The following PDE2A variants were observed in gnomAD, a reference collection of about 807,000 sequenced individuals.
PDE2A encodes cGMP-dependent 3',5'-cyclic phosphodiesterase.
Under a neutral mutation model 133.6 loss-of-function variants are expected in PDE2A, and 53 were observed. That is an observed-to-expected ratio of 0.40 (90% CI 0.32 to 0.50). The LOEUF is 0.50. PDE2A is among the 20% of genes least tolerant of loss of function. The probability of loss-of-function intolerance (pLI) is 0.73; values close to 1 mark genes in which losing one functional copy is unlikely to be tolerated. For missense variants in PDE2A, 796 were observed against 1,232.4 expected, an observed-to-expected ratio of 0.65 and a Z score of 5.30; for synonymous variants, 491 against 490.2, an observed-to-expected ratio of 1.00 and a Z score of -0.02.
intron 2 of PDE2A, among the ~76,000 whole-genome samples, chr11:72,619,030 C>T (rs1857616755): frequency 6.6e-6 from 1 of 151,852 alleles, no homozygotes; most frequent in Non-Finnish European, 1.5e-5. Flanking sequence ...TGGGAGCCAG[C>T]ATGAGCATGC....
chr11:72,582,542 G>A lies in PDE2A; in HGVS notation c.1753C>T (p.Leu585Phe), dbSNP rs748817156. 6.2e-7 allele frequency: 1 copy of A among 1,613,654 alleles called. No individual in the cohort carries two copies. The highest frequency in any genetic ancestry group is 8.5e-7 in the Non-Finnish European group (1 of 1,179,622). The change falls in exon 21 of 31, where the codon CTT becomes TTT. Residue 585 changes from leucine to phenylalanine, a missense_variant. Leu to Phe is a conservative substitution (Grantham distance 22). Around this residue, in one of 7 missense-constraint regions of PDE2A, gnomAD observed 218 missense variants for 465.9 expected, o/e 0.47. Coordinates refer to ENST00000334456, the MANE Select transcript of PDE2A (RefSeq NM_002599.5). ...ACAGGCTGGATCCCATCATGGAGAA[G>A]TTTGGTATACTCATCATCGGAGACC... ...MKVSDDEYTKLLHDGIQPVAA... is the reference protein window; with the variant it reads ...MKVSDDEYTKFLHDGIQPVAA...
rs764501899 is a variant in PDE2A at position 72,651,823 on chromosome 11, C to T, written c.72-9497G>A. 8.5e-5 allele frequency among the ~76,000 whole-genome samples: 13 copies of T among 152,198 alleles called. 1 individual carries two copies. The highest frequency in any genetic ancestry group is 1.9e-4 in the Non-Finnish European group (13 of 68,044). On this transcript the variant is annotated intron_variant, in intron 1 of 30. Coordinates refer to ENST00000334456, the MANE Select transcript of PDE2A (RefSeq NM_002599.5). Reference sequence around the variant, plus strand: ...ACATGAAACTCTGTCCTCAGGCCCCCGCCCAAGTCTATCTCATCTCCTTTC... The same window carrying T: ...ACATGAAACTCTGTCCTCAGGCCCCTGCCCAAGTCTATCTCATCTCCTTTC...
intron 21 of PDE2A, 100 bp downstream of exon 21, chr11:72,582,344 G>A (rs1855761037): frequency 1.6e-6 from 2 of 1,228,254 alleles, no homozygotes; most frequent in Non-Finnish European, 1.2e-6. Context: ...AGCCTTCCTT[G>A]ATGACTCTGT....
chr11:72,643,379 G>A (rs1352906975), intron 1 of PDE2A: 1 of 152,392 alleles, frequency 6.6e-6, no homozygotes, highest in Non-Finnish European at 1.5e-5. Flanking sequence ...ACTGGAGGGT[G>A]CGCTTGGGTC....
intron 2 of PDE2A, among the ~76,000 whole-genome samples, chr11:72,619,949 C>T (rs945848800): frequency 6.6e-6 from 1 of 152,078 alleles, no homozygotes; most frequent in Non-Finnish European, 1.5e-5. Flanking sequence ...AAGCTGACTC[C>T]CAGCAGGGGG....
At chr11:72,667,292 T>G (rs1855264268) in intron 1 of PDE2A, among the ~76,000 whole-genome samples, 1 of 152,136 alleles carries the variant, frequency 6.6e-6, no homozygotes, top group Non-Finnish European at 1.5e-5. Flanking sequence ...CACCTCAGTA[T>G]CAAGCAAGTC....
At chr11:72,673,259 C>G (rs764012914) in intron 1 of PDE2A, among the ~76,000 whole-genome samples, 2 of 152,142 alleles carry the variant, frequency 1.3e-5, no homozygotes, top group Non-Finnish European at 2.9e-5. Context: ...TGCACTCACA[C>G]TCAGACACAT....
At chr11:72,641,857 G>C (rs1858966300) in intron 2 of PDE2A, among the ~76,000 whole-genome samples, 1 of 152,214 alleles carries the variant, frequency 6.6e-6, no homozygotes, top group Non-Finnish European at 1.5e-5. Flanking sequence ...TGGAGTCCTG[G>C]ATGACAGCTG....
intron 2 of PDE2A, among the ~76,000 whole-genome samples, chr11:72,624,369 G>A (rs1857938993): frequency 6.6e-6 from 1 of 152,210 alleles, no homozygotes; most frequent in Non-Finnish European, 1.5e-5. Context: ...GTCCTACACA[G>A]CACTGTATGT....
chr11:72,578,356 G>T lies in PDE2A; in HGVS notation c.2509-17C>A, dbSNP rs775009475. 1.9e-6 allele frequency: 3 copies of T among 1,590,654 alleles called. No individual in the cohort carries two copies. Among genetic ancestry groups the T allele is most frequent in the Non-Finnish European group, 2.6e-6 (3 of 1,158,902 alleles). Reference sequence around the variant, plus strand: ...GGCCTTCTCCTGCAGGCATCGAGTCGTCAGGCCTGTCCCTCTCATTCCTCC... The same window carrying T: ...GGCCTTCTCCTGCAGGCATCGAGTCTTCAGGCCTGTCCCTCTCATTCCTCC... On this transcript the variant is annotated splice_polypyrimidine_tract_variant and intron_variant, in intron 29 of 30. Coordinates refer to ENST00000334456, the MANE Select transcript of PDE2A (RefSeq NM_002599.5). This position sits in a 1 kb window ranked among gnomAD's most constrained non-coding sequence, Gnocchi z 4.2.
At chr11:72,658,886 G>C (rs1427351608) in intron 1 of PDE2A, among the ~76,000 whole-genome samples, 1 of 151,848 alleles carries the variant, frequency 6.6e-6, no homozygotes, top group East Asian at 1.9e-4. Context: ...TTAAGAGACA[G>C]GGTCTCCCTA....
intron 14 of PDE2A, 74 bp from the exon 15 acceptor site, chr11:72,585,667 C>T: frequency 7.5e-7 from 1 of 1,334,348 alleles, no homozygotes; most frequent in Non-Finnish European, 1.1e-6. Flanking sequence ...CTGCCTCCAA[C>T]AGCACCCGGG....
chr11:72,659,421 G>C (rs1714007089), intron 1 of PDE2A: 1 of 151,642 alleles, frequency 6.6e-6, no homozygotes, highest in Non-Finnish European at 1.5e-5. Flanking sequence ...GCTCCCATGA[G>C]TTCCCAGCCT....
chr11:72,598,346 G>T (rs898217602), intron 4 of PDE2A, among the ~76,000 whole-genome samples: 2 of 152,158 alleles, frequency 1.3e-5, no homozygotes, highest in Non-Finnish European at 2.9e-5. Context: ...TGTGAGCTTT[G>T]AACAGGGGGC....
intron 2 of PDE2A, among the ~76,000 whole-genome samples, chr11:72,638,471 C>T (rs1429661523): frequency 6.6e-6 from 1 of 152,206 alleles, no homozygotes; most frequent in Non-Finnish European, 1.5e-5. Flanking sequence ...AGCCAGACCC[C>T]AGCACCAGAG....
chr11:72,639,236 A>G (rs1012324589), intron 2 of PDE2A, among the ~76,000 whole-genome samples: 1 of 152,184 alleles, frequency 6.6e-6, no homozygotes, highest in South Asian at 2.1e-4. Context: ...CTCCTTTCAG[A>G]TAAGTGTCTC....
intron 6 of PDE2A, among the ~76,000 whole-genome samples, chr11:72,593,064 G>T (rs1449720319): frequency 6.6e-6 from 1 of 151,846 alleles, no homozygotes; most frequent in Non-Finnish European, 1.5e-5. Flanking sequence ...ACCAGTTCTC[G>T]GGCTGCCTTG....
chr11:72,596,517 C>CACACACACACACACACA, intron 6 of PDE2A, 76 bp downstream of exon 6: 2 of 684,592 alleles, frequency 2.9e-6, no homozygotes, highest in Non-Finnish European at 4.6e-6. Flanking sequence ...CACACACACA[C>CACACACACACACACACA]CCTGGACAGG....
At chr11:72,588,175 A>G (rs893933843) in intron 13 of PDE2A, among the ~76,000 whole-genome samples, 3 of 152,294 alleles carry the variant, frequency 2.0e-5, no homozygotes, top group East Asian at 3.9e-4. Context: ...TCCATTTGCA[A>G]TAAAATTCAG....
Sources: allele counts gnomAD v4.1 joint callset (sites outside exome capture counted in the v4.1 genomes callset), GRCh38; gene constraint gnomAD v4.1.1; regional missense constraint gnomAD v4.1.1; non-coding constraint Gnocchi (gnomAD v3.1); transcripts MANE v1.5; gene names NCBI Gene and HGNC (gene_info 2026-07-23, HGNC 2026-07-21).